The following KCNH2 variants were observed in gnomAD, a reference collection of about 807,000 sequenced individuals.
The protein encoded by KCNH2 is voltage-gated inwardly rectifying potassium channel KCNH2.
KCNH2 carries 35 observed loss-of-function variants against 95.9 expected under a neutral mutation model. The observed-to-expected ratio is 0.37, with a 90% confidence interval of 0.28 to 0.48. The LOEUF (loss-of-function observed/expected upper bound fraction) is 0.48. Ranked by LOEUF, KCNH2 falls within the 20% of genes least tolerant of loss-of-function variation. The probability of loss-of-function intolerance (pLI) is 0.99; values close to 1 mark genes in which losing one functional copy is unlikely to be tolerated. For synonymous variants in KCNH2, 786 were observed against 754.7 expected (o/e 1.04, Z -0.68); for missense variants, 1,274 against 1,702.9 (o/e 0.75, Z 4.43).
Position 150,962,627 on chromosome 7 carries a change from C to CAGAGAGAGAGAGAG in KCNH2, c.308-2905_308-2892dup, listed in dbSNP as rs41307331. Reference sequence around the variant, plus strand: ...CACACTTACACACACACACGAGAGACAGAGAGAGAGAGAGAGAGAGAGAGA... The same window carrying CAGAGAGAGAGAGAG: ...CACACTTACACACACACACGAGAGACAGAGAGAGAGAGAGAGAGAGAGAGAGAGAGAGAGAGAGA... On this transcript the variant is annotated intron_variant, in intron 2 of 14. Coordinates refer to ENST00000262186, the MANE Select transcript of KCNH2 (RefSeq NM_000238.4). The surrounding 1 kb of genome is among the most constrained non-coding windows in gnomAD (Gnocchi z 5.7). Among the ~76,000 whole-genome samples, 950 of 146,324 alleles carry CAGAGAGAGAGAGAG rather than the reference C, an allele frequency of 6.5e-3. 6 individuals are homozygous for CAGAGAGAGAGAGAG. The highest frequency in any genetic ancestry group is 0.024 in the East Asian group (119 of 4,942).
chr7:150,947,564 G>A, intron 12 of KCNH2, 42 bp downstream of exon 12: 1 of 1,606,504 alleles, frequency 6.2e-7, no homozygotes, highest in East Asian at 2.2e-5. Context: ...CACCACCGCT[G>A]CCACGCCCGG....
chr7:150,952,318 C>T lies in KCNH2; in HGVS notation c.1557+107G>A, dbSNP rs188262457. 104 of 913,010 alleles carry T rather than the reference C, an allele frequency of 1.1e-4. No homozygotes were observed. Among genetic ancestry groups the T allele is most frequent in the African/African-American group, 7.1e-4 (31 of 43,780 alleles). The allele number at this position is 913,010 out of a possible 1,614,324, so 56.6% of individuals were successfully genotyped here. On this transcript the variant is annotated intron_variant, in intron 6 of 14. Transcript: ENST00000262186. This position sits in a 1 kb window ranked among gnomAD's most constrained non-coding sequence, Gnocchi z 7.3. ...CCACTGTCTTTCTCTCTTTCTCTCTCTCTCTCTTTTTCTCTGTCCTCCTCG... is the reference window on the plus strand; with the variant it reads ...CCACTGTCTTTCTCTCTTTCTCTCTTTCTCTCTTTTTCTCTGTCCTCCTCG...
At position 150,958,394 on chromosome 7, in the gene KCNH2, A is replaced by G; in HGVS notation, c.581T>C (p.Val194Ala). 6.8e-7 allele frequency: 1 copy of G among 1,464,014 alleles called. No homozygotes were observed. Among genetic ancestry groups the G allele is most frequent in the Non-Finnish European group, 9.0e-7 (1 of 1,114,380 alleles). The allele number at this position is 1,464,014 out of a possible 1,614,324, so 90.7% of individuals were successfully genotyped here. A position where few individuals can be genotyped will look rare whatever the true frequency, so the allele number is the denominator to read the frequency against. Residue 194 changes from valine (V) to alanine (A), a missense_variant, in exon 4 of 15, where the codon GTG becomes GCG. Val to Ala is a moderately conservative substitution (Grantham distance 64). This residue lies in a region of KCNH2 where 392 missense variants were observed against 429.9 expected (regional missense o/e 0.91). Coordinates refer to ENST00000262186, the MANE Select transcript of KCNH2 (RefSeq NM_000238.4). The stretch of plus-strand genomic sequence containing the variant: ...GGGCGTCAGGTCCACGTCCACCACC[A>G]CGGCCCCCGGGGCGCCCGCGCCGCC... ...GAGGAGAPGAVVVDVDLTPAA... is the reference protein window; with the variant it reads ...GAGGAGAPGAAVVDVDLTPAA...
At chr7:150,949,352 T>G in intron 9 of KCNH2, 1 of 1,285,200 alleles carries the variant, frequency 7.8e-7, no homozygotes, top group Non-Finnish European at 9.9e-7. Context: ...ACTGCACCCT[T>G]ATAAGCAATG....
chr7:150,948,513 T>TACTGCC lies in KCNH2; in HGVS notation c.2617_2622dup (p.Gly873_Ser874dup). On this transcript the variant is annotated inframe_insertion, in exon 11 of 15. Transcript: ENST00000262186. ...CGACTGAAGCCACCCTCTAACTCCG[T>TACTGCC]ACTGCCGGGGGAGCCCGGGATCATG... 1 of 1,613,038 alleles carries TACTGCC rather than the reference T, an allele frequency of 6.2e-7. No individual in the cohort carries two copies. The highest frequency in any genetic ancestry group is 8.5e-7 in the Non-Finnish European group (1 of 1,179,726).
intron 9 of KCNH2, chr7:150,949,561 G>T: frequency 1.0e-6 from 1 of 991,448 alleles, no homozygotes; most frequent in Non-Finnish European, 1.2e-6. Context: ...GTGTGTATTT[G>T]TGTTTGTACA....
intron 2 of KCNH2, among the ~76,000 whole-genome samples, chr7:150,963,551 A>C (rs1801623390): frequency 6.6e-6 from 1 of 152,120 alleles, no homozygotes; most frequent in Admixed American, 6.5e-5. Context: ...GGCTAATGCC[A>C]GAACACTCTG....
At chr7:150,955,562 T>C in intron 5 of KCNH2, 1 of 1,497,468 alleles carries the variant, frequency 6.7e-7, no homozygotes, top group African/African-American at 1.4e-5. Context: ...GGCCACTGCC[T>C]CACCTGCACC....
At position 150,952,749 on chromosome 7, in the gene KCNH2, G is replaced by A; in HGVS notation, c.1233C>T (p.Asp411=). 1.2e-6 allele frequency: 2 copies of A among 1,614,038 alleles called. No individual in the cohort carries two copies. Among genetic ancestry groups the A allele is most frequent in the Non-Finnish European group, 1.7e-6 (2 of 1,180,002 alleles). ...AGATGACCAGCAGCAGGATGAGCCA[G>A]TCCCACACGGCCTTGAAGGGGCTGT... The part of the protein sequence containing the change: ...LHYSPFKAVW[D]WLILLLVIYT... The change falls in exon 6 of 15, where the codon GAC becomes GAT. Residue 411 remains aspartate (D), a synonymous_variant. Transcript: ENST00000262186. The surrounding 1 kb of genome is among the most constrained non-coding windows in gnomAD (Gnocchi z 7.3).
chr7:150,947,437 A>G lies in KCNH2; in HGVS notation c.3043T>C (p.Cys1015Arg), dbSNP rs1800944925. 5 of 1,560,318 alleles carry G rather than the reference A, an allele frequency of 3.2e-6. No individual in the cohort carries two copies. The highest frequency in any genetic ancestry group is 4.3e-6 in the Non-Finnish European group (5 of 1,152,536). ...RGRQYQELPR[C>R]PAPTPSLLNI... Reference sequence around the variant, plus strand: ...AGGAGGCTGGGGGTGGGGGCGGGGCATCGAGGGAGCTCCTGGTACTGGCGG... The same window carrying G: ...AGGAGGCTGGGGGTGGGGGCGGGGCGTCGAGGGAGCTCCTGGTACTGGCGG... The change falls in exon 13 of 15, where the codon TGC becomes CGC. Residue 1015 changes from cysteine (C) to arginine (R), a missense_variant. Physicochemically the swap from Cys to Arg is radical, Grantham distance 180. This residue lies in a region of KCNH2 where 457 missense variants were observed against 416.1 expected (regional missense o/e 1.10). Transcript: ENST00000262186.
rs551056698 is a variant in KCNH2 at position 150,958,406 on chromosome 7, GCGCCCGCGC to G, written c.560_568del (p.Gly187_Gly189del). 7.5e-4 allele frequency: 1,079 copies of G among 1,447,500 alleles called. 12 individuals carry two copies. The African/African-American group carries it at 8.6e-3, about 12-fold the overall frequency. 89.7% of individuals were successfully genotyped at this position (1,447,500 alleles called of 1,614,324 possible). A position where few individuals can be genotyped will look rare whatever the true frequency, so the allele number is the denominator to read the frequency against. ...CACGTCCACCACCACGGCCCCCGGG[GCGCCCGCGC>G]CGCCCGCGCCGCCCGACCGCACCGA... On this transcript the variant is annotated inframe_deletion, in exon 4 of 15. Transcript: ENST00000262186.
At chr7:150,958,889 G>A (rs945119110) in intron 3 of KCNH2, among the ~76,000 whole-genome samples, 7 of 152,248 alleles carry the variant, frequency 4.6e-5, no homozygotes, top group Non-Finnish European at 1.0e-4. Flanking sequence ...GGGCCCTGCC[G>A]TCAGGGGTGG....
intron 11 of KCNH2, 31 bp downstream of exon 11, chr7:150,948,412 GC>G: frequency 2.5e-6 from 1 of 398,316 alleles, no homozygotes; most frequent in Non-Finnish European, 4.4e-6. Context: ...CCTTGTCCCC[GC>G]CCTCCCCCTT....
rs377086955 is a variant in KCNH2, at chr7:150,962,620, C to A, written c.308-2884G>T. 1.4e-5 allele frequency among the ~76,000 whole-genome samples: 1 copy of A among 72,276 alleles called. No homozygotes were observed. Among genetic ancestry groups the A allele is most frequent in the African/African-American group, 6.4e-5 (1 of 15,708 alleles). The allele number at this position is 72,276 out of a possible 152,430, so 47.4% of individuals were successfully genotyped here. A position where few individuals can be genotyped will look rare whatever the true frequency, so the allele number is the denominator to read the frequency against. On this transcript the variant is annotated intron_variant, in intron 2 of 14. Coordinates refer to ENST00000262186, the MANE Select transcript of KCNH2 (RefSeq NM_000238.4). The surrounding 1 kb of genome is among the most constrained non-coding windows in gnomAD (Gnocchi z 5.7). ...TGTAACTCACACTTACACACACACA[C>A]GAGAGACAGAGAGAGAGAGAGAGAG...
Position 150,974,752 on chromosome 7 carries a change from G to C in KCNH2, c.266C>G (p.Ala89Gly), listed in dbSNP as rs781247868. 1 of 1,606,190 alleles carries C rather than the reference G, an allele frequency of 6.2e-7. No homozygotes were observed. The highest frequency in any genetic ancestry group is 1.7e-5 in the Admixed American group (1 of 59,534). The change falls in exon 2 of 15, where the codon GCC (alanine) becomes GGC (glycine). Residue 89 changes from alanine to glycine, a missense_variant. Transcript: ENST00000262186. ...GGCGATTTCCACTTTGCGCTCCTCGGCGCCCAGCAGTGCCTGCGCGATCTG... is the reference window on the plus strand; with the variant it reads ...GGCGATTTCCACTTTGCGCTCCTCGCCGCCCAGCAGTGCCTGCGCGATCTG... ...AAQIAQALLG[A>G]EERKVEIAFY...
rs1334486291 is a variant in KCNH2 at position 150,946,670 on chromosome 7, T to G, written c.3330+207A>C. Among the ~76,000 whole-genome samples the G allele has an allele frequency of 6.6e-6, 1 of 152,058 alleles. No individual in the cohort carries two copies. Among genetic ancestry groups the G allele is most frequent in the Non-Finnish European group, 1.5e-5 (1 of 67,974 alleles). On this transcript the variant is annotated intron_variant, in intron 14 of 14. Transcript: ENST00000262186. The surrounding 1 kb of genome is among the most constrained non-coding windows in gnomAD (Gnocchi z 6.5). ...TCCCTGCACCCAGCTGTCTAGGGGC[T>G]TTGGACGGGGGACTCTCCTGCCCTA... is the stretch of plus-strand genomic sequence containing the variant.
intron 1 of KCNH2, 70 bp from the exon 2 acceptor site, chr7:150,975,011 C>A: frequency 7.3e-7 from 1 of 1,369,984 alleles, no homozygotes; most frequent in Non-Finnish European, 9.9e-7. Context: ...CCCTTCCCCA[C>A]ATTCTCCACT....
At chr7:150,974,155 G>T (rs1288603925) in intron 2 of KCNH2, among the ~76,000 whole-genome samples, 2 of 152,142 alleles carry the variant, frequency 1.3e-5, no homozygotes, top group Non-Finnish European at 2.9e-5. Context: ...AACTGAGGTT[G>T]CGGGGAGAGG....
rs868744777 is a variant in KCNH2 at position 150,962,280 on chromosome 7, C to A, written c.308-2544G>T. Among the ~76,000 whole-genome samples, 19 of 152,316 alleles carry A rather than the reference C, an allele frequency of 1.2e-4. No homozygotes were observed. The highest frequency in any genetic ancestry group is 7.8e-4 in the Admixed American group (12 of 15,308). ...GAAGCCTTAGCCCAAGAGACCCCAG[C>A]ACCCACCCCAGGGACCACAGCCAGC... On this transcript the variant is annotated intron_variant, in intron 2 of 14. Transcript: ENST00000262186. The surrounding 1 kb of genome is among the most constrained non-coding windows in gnomAD (Gnocchi z 5.7).
Sources: gnomAD v4.1 joint callset for allele counts (sites outside exome capture counted in the v4.1 genomes callset) on GRCh38, gnomAD v4.1.1 for gene constraint, gnomAD v4.1.1 regional missense constraint, Gnocchi (gnomAD v3.1) non-coding constraint, MANE v1.5 for transcripts, NCBI Gene and HGNC (gene_info 2026-07-23, HGNC 2026-07-21) for gene names.